Variants in SERPINB8 observed in about 807,000 individuals in gnomAD.
SERPINB8 encodes the protein serpin family B member 8, also known as serpin B8.
SERPINB8 carries 25 observed loss-of-function variants against 35.3 expected under a neutral mutation model. That is an observed-to-expected ratio of 0.71 (90% CI 0.52 to 0.99). The LOEUF (loss-of-function observed/expected upper bound fraction) is 0.99. Among genes scored for constraint, SERPINB8 ranks in the 50% least tolerant of loss-of-function variants. The probability of loss-of-function intolerance (pLI) is 0.00; values close to 1 mark genes in which losing one functional copy is unlikely to be tolerated. For missense variants in SERPINB8, 484 were observed against 446.5 expected (o/e 1.08, Z -0.76); for synonymous variants, 186 against 160.8 (o/e 1.16, Z -1.19).
At chr18:64,001,884 C>T (rs1310022740) in intron 1 of SERPINB8, among the ~76,000 whole-genome samples, 1 of 152,202 alleles carries the variant, frequency 6.6e-6, no homozygotes, top group Non-Finnish European at 1.5e-5. Context: ...TGAAGGGCAT[C>T]TACTGGGGGA....
At position 63,987,349 on chromosome 18, in the gene SERPINB8, C is replaced by T. The variant is rs1395794429; in HGVS notation, c.*71C>T. ...TGCCTTAATTAACATTCCCTGTGAC[C>T]TAGTTGGTGCAGTGGCTTGAATGCC... On this transcript the variant is annotated 3_prime_UTR_variant, in exon 7 of 7. Coordinates refer to ENST00000397985, the MANE Select transcript of SERPINB8 (RefSeq NM_002640.4). The T allele has an allele frequency of 6.7e-7, 1 of 1,484,992 alleles. No homozygotes were observed. Among genetic ancestry groups the T allele is most frequent in the African/African-American group, 1.4e-5 (1 of 71,386 alleles). The allele number at this position is 1,484,992 out of a possible 1,614,324, so 92.0% of individuals were successfully genotyped here.
At chr18:64,014,805 G>GA (rs1357515784) in intron 7 of SERPINB8, among the ~76,000 whole-genome samples, 1 of 151,832 alleles carries the variant, frequency 6.6e-6, no homozygotes, top group East Asian at 1.9e-4. Flanking sequence ...ACTTATTCTT[G>GA]AAAAAATGTG....
rs559767582 is a variant in SERPINB8 at position 63,984,760 on chromosome 18, A to G, written c.568-333A>G. Among the ~76,000 whole-genome samples, 5 of 152,336 alleles carry G rather than the reference A, an allele frequency of 3.3e-5. No individual in the cohort carries two copies. The South Asian group carries it at 1.0e-3, about 32-fold the overall frequency. ...CCTGAATATTTATCTTAACTTCGAT[A>G]AAGAATTTTTAGTTGGAAGCTTCCA... On this transcript the variant is annotated intron_variant, in intron 5 of 6. Coordinates refer to ENST00000397985, the MANE Select transcript of SERPINB8 (RefSeq NM_002640.4).
rs545456557 is a variant in SERPINB8 at position 63,975,556 on chromosome 18, A to T, written c.-10-2743A>T. Among the ~76,000 whole-genome samples, 4 of 152,176 alleles carry T rather than the reference A, an allele frequency of 2.6e-5. No individual in the cohort carries two copies. The South Asian group carries it at 8.3e-4, about 31-fold the overall frequency. ...TCATGATTGTGTTTTCTTGGTTCAC[A>T]TTTATTTTACTTAGTTTTCTGAACC... On this transcript the variant is annotated intron_variant, in intron 1 of 6. Transcript: ENST00000397985.
chr18:64,016,044 A>G (rs2050948412), intron 7 of SERPINB8, among the ~76,000 whole-genome samples: 1 of 152,220 alleles, frequency 6.6e-6, no homozygotes, highest in South Asian at 2.1e-4. Context: ...GACAGACCCT[A>G]GACACTTTTC....
intron 1 of SERPINB8, among the ~76,000 whole-genome samples, chr18:63,971,648 G>C (rs1220855338): frequency 6.6e-6 from 1 of 152,166 alleles, no homozygotes; most frequent in African/African-American, 2.4e-5. Context: ...GCAGTCCCTG[G>C]CCCATGGTGG....
chr18:63,995,851 A>C (rs1299528455), intron 1 of SERPINB8, among the ~76,000 whole-genome samples: 1 of 152,234 alleles, frequency 6.6e-6, no homozygotes, highest in Non-Finnish European at 1.5e-5. Context: ...AGCTGAGGAG[A>C]TGGGAGATAA....
chr18:63,989,942 C>CAA (rs1161052778), downstream of SERPINB8, among the ~76,000 whole-genome samples: 174 of 27,806 alleles, frequency 6.3e-3, 13 homozygotes, highest in Admixed American at 0.029. Flanking sequence ...GACTCTGTCT[C>CAA]AAAAAAAAAA....
At chr18:64,002,234 G>A (rs1045010901) in intron 1 of SERPINB8, among the ~76,000 whole-genome samples, 1 of 152,152 alleles carries the variant, frequency 6.6e-6, no homozygotes, top group Non-Finnish European at 1.5e-5. Flanking sequence ...CAGCGCCAGG[G>A]GTGGAAAAGA....
chr18:64,005,022 C>A (rs553198866), exon 2 of SERPINB8: 7 of 394,516 alleles, frequency 1.8e-5, no homozygotes, highest in African/African-American at 1.2e-4. Context: ...TAATTGCAAC[C>A]TGCGAGCTTC....
intron 5 of SERPINB8, among the ~76,000 whole-genome samples, 200 bp downstream of exon 5, chr18:63,983,921 A>T (rs891737666): frequency 6.6e-6 from 1 of 152,110 alleles, no homozygotes; most frequent in Non-Finnish European, 1.5e-5. Flanking sequence ...ATCTCAGCTC[A>T]CTGCAGCCTC....
chr18:63,974,175 G>A (rs1251202755), intron 1 of SERPINB8, among the ~76,000 whole-genome samples: 2 of 152,082 alleles, frequency 1.3e-5, no homozygotes, highest in East Asian at 3.9e-4. Flanking sequence ...TTTTTCTGAG[G>A]ATTTCCATAG....
chr18:64,004,737 G>A, intron 1 of SERPINB8: 1 of 397,734 alleles, frequency 2.5e-6, no homozygotes, highest in Non-Finnish European at 4.4e-6. Context: ...TTTCTCTACA[G>A]AAACTTTAAA....
At chr18:64,012,834 G>A (rs1008074321) in intron 7 of SERPINB8, among the ~76,000 whole-genome samples, 1 of 151,956 alleles carries the variant, frequency 6.6e-6, no homozygotes, top group Non-Finnish European at 1.5e-5. Context: ...TGAATACATG[G>A]GACACGTGTC....
rs770857910 is a variant in SERPINB8 at position 63,987,209 on chromosome 18, T to C, written c.1056T>C (p.Pro352=). 32 of 1,613,964 alleles carry C rather than the reference T, an allele frequency of 2.0e-5. No individual in the cohort carries two copies. The highest frequency in any genetic ancestry group is 2.7e-5 in the Non-Finnish European group (32 of 1,179,974). Residue 352 remains proline, a synonymous_variant, in exon 7 of 7, where the codon CCT becomes CCC. Transcript: ENST00000397985. ...AGCCAAGATTCTGTGCAGACCACCCTTTTCTTTTCTTCATCAGGCACCACA... is the reference window on the plus strand; with the variant it reads ...AGCCAAGATTCTGTGCAGACCACCCCTTTCTTTTCTTCATCAGGCACCACA... ...RMEPRFCADH[P]FLFFIRHHKT... is the part of the protein sequence containing the mutation.
intron 7 of SERPINB8, among the ~76,000 whole-genome samples, chr18:64,018,508 G>A (rs759415138): frequency 6.6e-6 from 1 of 152,102 alleles, no homozygotes. Flanking sequence ...CTATTAAAGT[G>A]GGTAGAAAAA....
chr18:63,983,738 C>A lies in SERPINB8; in HGVS notation c.567+17C>A. 6.3e-7 allele frequency: 1 copy of A among 1,582,936 alleles called. No homozygotes were observed. The highest frequency in any genetic ancestry group is 8.7e-7 in the Non-Finnish European group (1 of 1,152,084). ...ACCAACGAGGTAGGGAAAGATTTTT[C>A]AGATATACTGCTACTTTCTTAAAGT... On this transcript the variant is annotated intron_variant, in intron 5 of 6. Transcript: ENST00000397985.
At chr18:64,016,148 C>G (rs1277981903) in intron 7 of SERPINB8, among the ~76,000 whole-genome samples, 2 of 152,204 alleles carry the variant, frequency 1.3e-5, no homozygotes, top group Non-Finnish European at 2.9e-5. Flanking sequence ...GACCCAGTAT[C>G]CCTTTCTGAG....
intron 1 of SERPINB8, 79 bp from the exon 2 acceptor site, chr18:63,978,220 A>G: frequency 2.0e-6 from 3 of 1,510,616 alleles, no homozygotes; most frequent in Non-Finnish European, 2.8e-6. Flanking sequence ...CTCAGCGTCC[A>G]CTGACTGGGG....
Sources: allele counts gnomAD v4.1 joint callset (sites outside exome capture counted in the v4.1 genomes callset), GRCh38; gene constraint gnomAD v4.1.1; transcripts MANE v1.5; gene names NCBI Gene and HGNC (gene_info 2026-07-23, HGNC 2026-07-21).